MYO18A: variants seen among roughly 807,000 people sequenced by gnomAD.
MYO18A encodes the protein unconventional myosin-XVIIIa.
In MYO18A, 78 loss-of-function variants were observed where a neutral mutation model predicts 235.8. The observed-to-expected ratio is 0.33, with a 90% CI of 0.28 to 0.40. The LOEUF is 0.40. Ranked by LOEUF, MYO18A falls within the 10% of genes least tolerant of loss-of-function variation. The pLI is 1.00. For missense variants in MYO18A, 2,215 were observed against 2,699.3 expected (o/e 0.82, Z 3.98); for synonymous variants, 977 against 1,077.8 (o/e 0.91, Z 1.83).
intron 2 of MYO18A, among the ~76,000 whole-genome samples, chr17:29,132,277 GA>G (rs1256422578): frequency 6.6e-6 from 1 of 152,244 alleles, no homozygotes; most frequent in Non-Finnish European, 1.5e-5. Flanking sequence ...TGGAAGCTCT[GA>G]AGGTTCTTTC....
At chr17:29,093,713 G>C (rs918023990) in intron 31 of MYO18A, among the ~76,000 whole-genome samples, 3 of 152,132 alleles carry the variant, frequency 2.0e-5, no homozygotes, top group Admixed American at 6.5e-5. Context: ...ACTGCAGGCA[G>C]CACCAGTGCA....
Position 29,074,942 on chromosome 17 carries a change from G to A in MYO18A, c.6021-28C>T. On this transcript the variant is annotated intron_variant, in intron 41 of 41. Transcript: ENST00000527372. The surrounding 1 kb of genome is among the most constrained non-coding windows in gnomAD (Gnocchi z 4.4). ...GCAGGGACCGAGGAATAAGGTTAGG[G>A]ACAAATGACACTCCTACCATTAAGC... 1 of 1,612,712 alleles carries A rather than the reference G, an allele frequency of 6.2e-7. No homozygotes were observed. The highest frequency in any genetic ancestry group is 8.5e-7 in the Non-Finnish European group (1 of 1,178,884).
intron 22 of MYO18A, 34 bp downstream of exon 22, chr17:29,099,600 T>C (rs746699548): frequency 4.7e-5 from 76 of 1,601,944 alleles, no homozygotes; most frequent in Non-Finnish European, 6.3e-5. Flanking sequence ...CCCATCTAGG[T>C]TGGGGAGGGG....
chr17:29,126,184 G>T lies in MYO18A; in HGVS notation c.1000-3931C>A, dbSNP rs910650303. On this transcript the variant is annotated intron_variant, in intron 2 of 41. Coordinates refer to ENST00000527372, the MANE Select transcript of MYO18A (RefSeq NM_078471.4). This position sits in a 1 kb window ranked among gnomAD's most constrained non-coding sequence, Gnocchi z 4.1. ...ATTTCTTCCCACCTGCCTATCTTGA[G>T]CACCAAATGGCCCTATTATCCCACT... is the stretch of plus-strand genomic sequence containing the variant. 6.6e-6 allele frequency among the ~76,000 whole-genome samples: 1 copy of T among 152,168 alleles called. No individual in the cohort carries two copies. The highest frequency in any genetic ancestry group is 1.5e-5 in the Non-Finnish European group (1 of 68,026).
intron 2 of MYO18A, among the ~76,000 whole-genome samples, chr17:29,162,409 GA>G (rs1489871679): frequency 6.6e-5 from 10 of 152,160 alleles, no homozygotes; most frequent in Non-Finnish European, 1.2e-4. Flanking sequence ...CCTTATTCCT[GA>G]AATATGTGAT....
rs1373417236 is a variant in MYO18A at position 29,090,060 on chromosome 17, C to T, written c.5427G>A (p.Gln1809=). 1 of 1,613,764 alleles carries T rather than the reference C, an allele frequency of 6.2e-7. No homozygotes were observed. Among genetic ancestry groups the T allele is most frequent in the Admixed American group, 1.7e-5 (1 of 59,970 alleles). The part of the protein sequence containing the change: ...ALQSQVEFLE[Q]SMVDKSLVSR... ...TCACCAGGGACTTGTCCACCATGGA[C>T]TGCTCCAGGAACTCCACCTGGCTCT... Residue 1809 remains glutamine (Q), a synonymous_variant, in exon 37 of 42, where the codon CAG becomes CAA. Transcript: ENST00000527372.
chr17:29,119,261 G>T, intron 8 of MYO18A, 74 bp downstream of exon 8: 1 of 1,110,356 alleles, frequency 9.0e-7, no homozygotes, highest in Non-Finnish European at 1.3e-6. Context: ...AATTCTGGAT[G>T]CAATCAAGGT....
chr17:29,115,562 G>C (rs2067038887), intron 12 of MYO18A, 102 bp downstream of exon 12: 1 of 1,477,060 alleles, frequency 6.8e-7, no homozygotes, highest in African/African-American at 1.4e-5. Flanking sequence ...GCCACTGACA[G>C]AGCATCTGTT....
At chr17:29,179,592 T>G (rs1237685120) in intron 1 of MYO18A, among the ~76,000 whole-genome samples, 1 of 152,040 alleles carries the variant, frequency 6.6e-6, no homozygotes, top group Non-Finnish European at 1.5e-5. Context: ...TGGGGCAGCT[T>G]GTCCGACCTT....
intron 8 of MYO18A, 118 bp downstream of exon 8, chr17:29,119,217 G>T: frequency 5.6e-6 from 4 of 719,650 alleles, no homozygotes; most frequent in South Asian, 3.6e-5. Flanking sequence ...GACATGCACT[G>T]ACCAAACAGT....
Position 29,097,290 on chromosome 17 carries a change from C to T in MYO18A, c.4163G>A (p.Arg1388Gln), listed in dbSNP as rs749795183. Residue 1388 changes from arginine (R) to glutamine (Q), a missense_variant, in exon 27 of 42, where the codon CGG becomes CAG. Transcript: ENST00000527372. ...CTTGTCCTCAAACTCCTGCTGGAGC[C>T]GTTTCTTGGTGAAGTCCACCTCCCG... ...AVREVDFTKKRLQQEFEDKLE... is the reference protein window; with the variant it reads ...AVREVDFTKKQLQQEFEDKLE... The T allele has an allele frequency of 6.2e-6, 10 of 1,611,330 alleles. No homozygotes were observed. Among genetic ancestry groups the T allele is most frequent in the Non-Finnish European group, 8.5e-6 (10 of 1,179,858 alleles).
In MYO18A at chr17:29,094,716, C is replaced by A. The variant is rs1186083300; in HGVS notation, c.4644G>T (p.Glu1548Asp). ...AKVKKQLRDL[E>D]AKVKDQEEEL... ...CTTCTTCCTGATCCTTGACTTTGGC[C>A]TCCAGGTCCCGGAGCTGTTTCTTGA... The change falls in exon 30 of 42, where the codon GAG becomes GAT. Residue 1548 changes from glutamate to aspartate, a missense_variant. Transcript: ENST00000527372. The A allele has an allele frequency of 6.2e-7, 1 of 1,613,940 alleles. No homozygotes were observed. The highest frequency in any genetic ancestry group is 1.3e-5 in the African/African-American group (1 of 74,944).
At chr17:29,115,942 G>C in intron 11 of MYO18A, 102 bp from the exon 12 acceptor site, 1 of 1,360,890 alleles carries the variant, frequency 7.3e-7, no homozygotes, top group East Asian at 2.5e-5. Flanking sequence ...GGAGGCAAAA[G>C]CCAGCCCTGA....
chr17:29,101,170 G>C (rs1456603043), intron 21 of MYO18A, among the ~76,000 whole-genome samples: 2 of 150,470 alleles, frequency 1.3e-5, no homozygotes, highest in East Asian at 3.9e-4. Context: ...GCTAATTTTT[G>C]TATTTTTTGT....
intron 2 of MYO18A, among the ~76,000 whole-genome samples, chr17:29,129,747 C>A (rs959056666): frequency 1.1e-4 from 17 of 152,224 alleles, no homozygotes; most frequent in Admixed American, 9.2e-4. Flanking sequence ...CCTCTGGATG[C>A]CACAAGGAGA....
intron 2 of MYO18A, among the ~76,000 whole-genome samples, chr17:29,130,474 CCACACACACACACA>C (rs71135871): frequency 0.022 from 3,122 of 142,228 alleles, 58 homozygotes; most frequent in East Asian, 0.027. Flanking sequence ...GAGGCCTCTC[CCACACACACACACA>C]CACACACACA....
chr17:29,105,407 C>T (rs905997027), intron 20 of MYO18A, among the ~76,000 whole-genome samples: 7 of 151,480 alleles, frequency 4.6e-5, no homozygotes, highest in Non-Finnish European at 1.0e-4. Flanking sequence ...GGAGTTTCTC[C>T]GTGGAGAGAA....
intron 15 of MYO18A, 122 bp downstream of exon 15, chr17:29,113,888 TG>T: frequency 1.4e-6 from 1 of 739,780 alleles, no homozygotes; most frequent in Admixed American, 2.2e-5. Flanking sequence ...GCATAGCTGC[TG>T]GACCCTCCCT....
intron 2 of MYO18A, chr17:29,128,355 T>G (rs980989206): frequency 3.6e-5 from 46 of 1,281,604 alleles, no homozygotes; most frequent in African/African-American, 6.1e-5. Context: ...CTCACTGCAT[T>G]TGCCACCCGC....
Sources: allele counts gnomAD v4.1 joint callset (sites outside exome capture counted in the v4.1 genomes callset), GRCh38; gene constraint gnomAD v4.1.1; non-coding constraint Gnocchi (gnomAD v3.1); transcripts MANE v1.5; gene names NCBI Gene and HGNC (gene_info 2026-07-23, HGNC 2026-07-21).